Variants in KCTD13 observed in about 807,000 individuals in gnomAD.
KCTD13 encodes the protein potassium channel tetramerization domain containing 13, also known as BTB/POZ domain-containing adapter for CUL3-mediated RhoA degradation protein 1.
In KCTD13, 15 loss-of-function variants were observed where a neutral mutation model predicts 32.3. That is an observed-to-expected ratio of 0.46 (90% CI 0.31 to 0.71). The LOEUF is 0.71. KCTD13 is among the 30% of genes least tolerant of loss of function. The pLI, the probability that KCTD13 is intolerant of heterozygous loss-of-function variation, is 0.05. For missense variants in KCTD13, 337 were observed against 452.6 expected (o/e 0.74, Z 2.32); for synonymous variants, 189 against 200.1 (o/e 0.94, Z 0.47).
At chr16:29,911,586 G>A (rs992459399) in intron 4 of KCTD13, 12 of 596,318 alleles carry the variant, frequency 2.0e-5, no homozygotes, top group Admixed American at 6.0e-5. Flanking sequence ...GGATAGGCTC[G>A]CCACTATCAC....
intron 1 of KCTD13, among the ~76,000 whole-genome samples, chr16:29,923,751 G>GT (rs2068952236): frequency 6.6e-6 from 1 of 151,990 alleles, no homozygotes. Flanking sequence ...ACTCGGGGGG[G>GT]GGCGAGGCAG....
At position 29,907,087 on chromosome 16, in the gene KCTD13, T is replaced by G; in HGVS notation, c.775A>C (p.Ile259Leu). ...AGGATGTTCAGGGTCTCCTCGAAGA[T>G]CCGGGCCTCTGGAAATTCCACCTGC... Reference protein sequence around the residue: ...QTKVEFPEARIFEETLNILIY... With the variant: ...QTKVEFPEARLFEETLNILIY... Residue 259 changes from isoleucine (I) to leucine (L), a missense_variant, in exon 6 of 6, where the codon ATC (isoleucine) becomes CTC (leucine). By Grantham distance (5) the Ile-to-Leu change is conservative. This residue lies in a region of KCTD13 where 252 missense variants were observed against 340.2 expected (regional missense o/e 0.74). Coordinates refer to ENST00000568000, the MANE Select transcript of KCTD13 (RefSeq NM_178863.5). 1 of 1,606,216 alleles carries G rather than the reference T, an allele frequency of 6.2e-7. No individual in the cohort carries two copies. The highest frequency in any genetic ancestry group is 8.5e-7 in the Non-Finnish European group (1 of 1,174,530).
At position 29,906,599 on chromosome 16, in the gene KCTD13, C is replaced by T. The variant is rs2068617569; in HGVS notation, c.*273G>A. ...AAGAGAAAGGGAATTCTAAATCCCTCTTAACCAGCTGGAGAGGGAAGGACG... is the reference window on the plus strand; with the variant it reads ...AAGAGAAAGGGAATTCTAAATCCCTTTTAACCAGCTGGAGAGGGAAGGACG... On this transcript the variant is annotated 3_prime_UTR_variant, in exon 6 of 6. Transcript: ENST00000568000. 1.6e-6 allele frequency: 1 copy of T among 622,540 alleles called. No individual in the cohort carries two copies. Among genetic ancestry groups the T allele is most frequent in the Non-Finnish European group, 3.0e-6 (1 of 332,676 alleles). 38.6% of individuals were successfully genotyped at this position (622,540 alleles called of 1,614,324 possible).
At chr16:29,921,674 T>C (rs2068915072) in intron 2 of KCTD13, 1 of 152,160 alleles carries the variant, frequency 6.6e-6, no homozygotes. Context: ...AGTTTTAACA[T>C]TAGTAAATTT....
chr16:29,915,794 G>A (rs868074955), intron 2 of KCTD13, among the ~76,000 whole-genome samples: 8 of 152,152 alleles, frequency 5.3e-5, no homozygotes, highest in Middle Eastern at 6.8e-3. Context: ...CTTAACAAAG[G>A]ACTTTTTCAT....
Position 29,912,001 on chromosome 16 carries a change from A to T in KCTD13, c.463T>A (p.Ser155Thr), listed in dbSNP as rs775075302. The T allele has an allele frequency of 6.2e-7, 1 of 1,611,792 alleles. No individual in the cohort carries two copies. Among genetic ancestry groups the T allele is most frequent in the Non-Finnish European group, 8.5e-7 (1 of 1,179,204 alleles). ...SPLCLIPMVTSPREEQQLLAS... is the reference protein window; with the variant it reads ...SPLCLIPMVTTPREEQQLLAS... ...AGGAGCTGCTGCTCCTCCCGGGGAG[A>T]TGTCACCATGGGGATGAGGCACAGC... The change falls in exon 3 of 6, where the codon TCT (serine) becomes ACT (threonine). Residue 155 changes from serine (S) to threonine (T), a missense_variant. Transcript: ENST00000568000.
chr16:29,910,871 C>T, intron 5 of KCTD13, 107 bp downstream of exon 5: 3 of 994,928 alleles, frequency 3.0e-6, no homozygotes, highest in Non-Finnish European at 3.0e-6. Flanking sequence ...CAGGATCTGG[C>T]TCCTGCCTCC....
At chr16:29,911,289 TC>T (rs1224224117) in intron 4 of KCTD13, 116 bp from the exon 5 acceptor site, 2 of 800,258 alleles carry the variant, frequency 2.5e-6, no homozygotes. Flanking sequence ...GCTTTGGTGC[TC>T]AACAGAGAGC....
intron 5 of KCTD13, among the ~76,000 whole-genome samples, chr16:29,909,389 A>G (rs1014201662): frequency 3.3e-5 from 5 of 152,160 alleles, no homozygotes; most frequent in Non-Finnish European, 4.4e-5. Context: ...CAGAGGTAAG[A>G]GGTAAGAAAT....
At chr16:29,915,605 CAAAA>C (rs200326928) in intron 2 of KCTD13, among the ~76,000 whole-genome samples, 2 of 118,942 alleles carry the variant, frequency 1.7e-5, no homozygotes, top group African/African-American at 3.1e-5. Flanking sequence ...TGAGCTATCT[CAAAA>C]AAAAAAAAAA....
At chr16:29,923,719 G>T (rs1388098614) in intron 1 of KCTD13, among the ~76,000 whole-genome samples, 1 of 151,768 alleles carries the variant, frequency 6.6e-6, no homozygotes, top group African/African-American at 2.4e-5. Context: ...AAATTAGCTG[G>T]GCTTGGTGGC....
At chr16:29,920,912 G>C (rs2068899621) in intron 2 of KCTD13, 1 of 152,302 alleles carries the variant, frequency 6.6e-6, no homozygotes, top group Admixed American at 6.5e-5. Flanking sequence ...GACTGGCACA[G>C]AATCAGAAGG....
chr16:29,916,967 G>T (rs983976191), intron 2 of KCTD13, among the ~76,000 whole-genome samples: 2 of 152,234 alleles, frequency 1.3e-5, no homozygotes. Context: ...AGGGATGCCT[G>T]AGTGTCCTCA....
chr16:29,920,661 G>C (rs1183524866), intron 2 of KCTD13: 2 of 152,188 alleles, frequency 1.3e-5, no homozygotes, highest in East Asian at 3.8e-4. Flanking sequence ...AACCTCATTA[G>C]TAATCAGAGG....
At chr16:29,911,663 A>G in intron 4 of KCTD13, 152 bp downstream of exon 4, 2 of 716,302 alleles carry the variant, frequency 2.8e-6, no homozygotes, top group Admixed American at 2.4e-5. Flanking sequence ...GGACCTGCCT[A>G]GAGCGTCAGG....
chr16:29,911,897 G>A (rs2068719413), intron 3 of KCTD13, 30 bp from the exon 4 acceptor site: 2 of 1,610,952 alleles, frequency 1.2e-6, no homozygotes, highest in African/African-American at 2.7e-5. Context: ...GGACGAGAGG[G>A]GTGAGGCTGC....
Position 29,911,175 on chromosome 16 carries a change from T to C in KCTD13, c.558-2A>G. 2 of 1,613,658 alleles carry C rather than the reference T, an allele frequency of 1.2e-6. No homozygotes were observed. The highest frequency in any genetic ancestry group is 1.7e-6 in the Non-Finnish European group (2 of 1,179,702). On this transcript the variant is annotated splice_acceptor_variant, in intron 4 of 5. Coordinates refer to ENST00000568000, the MANE Select transcript of KCTD13 (RefSeq NM_178863.5). LOFTEE classifies it high-confidence loss of function. ...TTAAGTAGGTTGTCATCTGAAGTGC[T>C]GGGGACCAGGGGACCAGGAGGCCTC...
At chr16:29,911,672 G>T in intron 4 of KCTD13, 143 bp downstream of exon 4, 1 of 779,288 alleles carries the variant, frequency 1.3e-6, no homozygotes, top group Non-Finnish European at 2.1e-6. Context: ...TAGAGCGTCA[G>T]GGGTAAGAGG....
intron 2 of KCTD13, chr16:29,914,470 C>T (rs1444016918): frequency 2.8e-5 from 4 of 142,870 alleles, no homozygotes; most frequent in Non-Finnish European, 3.0e-5. Flanking sequence ...GAGTCTTGCT[C>T]TGTCTCCCAA....
Sources: gnomAD v4.1 joint callset for allele counts (sites outside exome capture counted in the v4.1 genomes callset) on GRCh38, gnomAD v4.1.1 for gene constraint, gnomAD v4.1.1 regional missense constraint, MANE v1.5 for transcripts, NCBI Gene and HGNC (gene_info 2026-07-23, HGNC 2026-07-21) for gene names.